Variants in PRKAR1B observed in about 807,000 individuals in gnomAD.
The protein encoded by PRKAR1B is protein kinase cAMP-dependent type I regulatory subunit beta, also known as cAMP-dependent protein kinase type I-beta regulatory subunit.
In PRKAR1B, 22 loss-of-function variants were observed where a neutral mutation model predicts 46.5. That is an observed-to-expected ratio of 0.47 (90% CI 0.34 to 0.68). PRKAR1B has a LOEUF of 0.68. Among genes scored for constraint, PRKAR1B ranks in the 30% least tolerant of loss-of-function variants. PRKAR1B has a pLI of 0.01. For missense variants in PRKAR1B, 445 were observed against 535.6 expected (o/e 0.83, Z 1.67); for synonymous variants, 259 against 217.7 (o/e 1.19, Z -1.67).
At chr7:631,105 C>T (rs1783711851) in intron 4 of PRKAR1B, among the ~76,000 whole-genome samples, 1 of 152,078 alleles carries the variant, frequency 6.6e-6, no homozygotes, top group Non-Finnish European at 1.5e-5. Flanking sequence ...GCACCCTCAC[C>T]AATCCCGGGT....
intron 1 of PRKAR1B, 96 bp from the exon 2 acceptor site, chr7:711,623 C>A: frequency 1.8e-6 from 2 of 1,133,840 alleles, no homozygotes; most frequent in Non-Finnish European, 1.2e-6. Flanking sequence ...CTCCCAGGAG[C>A]GTGGAAGAAA....
At chr7:573,782 G>A (rs1779665426) in intron 9 of PRKAR1B, among the ~76,000 whole-genome samples, 1 of 152,218 alleles carries the variant, frequency 6.6e-6, no homozygotes, top group Non-Finnish European at 1.5e-5. Flanking sequence ...GGATCGCGGA[G>A]TCGGGCACAC....
intron 2 of PRKAR1B, among the ~76,000 whole-genome samples, 194 bp downstream of exon 2, chr7:711,135 G>A (rs962068115): frequency 6.6e-6 from 1 of 152,138 alleles, no homozygotes; most frequent in Non-Finnish European, 1.5e-5. Context: ...ATGAATCTCG[G>A]GAGACCAAAC....
chr7:687,989 G>T (rs368736719), intron 2 of PRKAR1B, among the ~76,000 whole-genome samples: 1 of 151,306 alleles, frequency 6.6e-6, no homozygotes, highest in Non-Finnish European at 1.5e-5. Context: ...CCAGCTCCTC[G>T]GGAGGCTCAG....
At chr7:720,869 T>G (rs1432580962) in intron 1 of PRKAR1B, among the ~76,000 whole-genome samples, 2 of 152,242 alleles carry the variant, frequency 1.3e-5, no homozygotes, top group Non-Finnish European at 2.9e-5. Flanking sequence ...ATAGTAGACA[T>G]CATACAGTTG....
At chr7:615,685 G>A (rs989243868) in intron 4 of PRKAR1B, among the ~76,000 whole-genome samples, 28 of 150,552 alleles carry the variant, frequency 1.9e-4, no homozygotes, top group African/African-American at 4.1e-4. Context: ...AAAATTAGCC[G>A]GGCGTGGTGG....
intron 4 of PRKAR1B, among the ~76,000 whole-genome samples, chr7:674,709 C>CT (rs1379842744): frequency 6.6e-6 from 1 of 152,238 alleles, no homozygotes; most frequent in Non-Finnish European, 1.5e-5. Context: ...CTCTCCATGC[C>CT]TAGCTACTCT....
At chr7:567,578 C>T (rs1341938599) in intron 9 of PRKAR1B, among the ~76,000 whole-genome samples, 2 of 152,078 alleles carry the variant, frequency 1.3e-5, no homozygotes, top group African/African-American at 2.4e-5. Context: ...CCATCACCGC[C>T]ATCATCATCA....
intron 4 of PRKAR1B, among the ~76,000 whole-genome samples, chr7:625,457 A>T (rs917719723): frequency 3.3e-5 from 5 of 152,274 alleles, no homozygotes; most frequent in African/African-American, 1.2e-4. Flanking sequence ...AAGAAAATCG[A>T]TGCAGCCAAA....
chr7:629,287 G>A (rs1182026990), intron 4 of PRKAR1B, among the ~76,000 whole-genome samples: 5 of 152,036 alleles, frequency 3.3e-5, no homozygotes, highest in African/African-American at 7.2e-5. Flanking sequence ...GCCTCCCAGG[G>A]CGCCACCACC....
At chr7:723,179 T>A (rs1380361073) in intron 1 of PRKAR1B, among the ~76,000 whole-genome samples, 1 of 152,234 alleles carries the variant, frequency 6.6e-6, no homozygotes, top group African/African-American at 2.4e-5. Flanking sequence ...CAGTGCAGAC[T>A]GTCCACTCGA....
chr7:577,925 C>T (rs979920803), intron 9 of PRKAR1B, among the ~76,000 whole-genome samples: 1 of 152,202 alleles, frequency 6.6e-6, no homozygotes, highest in African/African-American at 2.4e-5. Context: ...TTTTGCAGTC[C>T]CATTTATACC....
intron 4 of PRKAR1B, among the ~76,000 whole-genome samples, chr7:646,302 C>T (rs1420795346): frequency 6.6e-6 from 1 of 152,234 alleles, no homozygotes; most frequent in Non-Finnish European, 1.5e-5. Context: ...CCTTGGTCTC[C>T]CAAAGTGCTG....
At chr7:571,383 C>T (rs1476916011) in intron 9 of PRKAR1B, among the ~76,000 whole-genome samples, 1 of 152,166 alleles carries the variant, frequency 6.6e-6, no homozygotes, top group Non-Finnish European at 1.5e-5. Context: ...AGCAGCGACC[C>T]GTGGATTTTG....
In PRKAR1B at chr7:593,610, C is replaced by G. The variant is rs1326044887; in HGVS notation, c.708+2536G>C. ...CAGGTGCGCCCAGAGGAGATGGGAA[C>G]CGCTGTGCCCTCTTCCTGCCCCAAA... is the stretch of plus-strand genomic sequence containing the variant. On this transcript the variant is annotated intron_variant, in intron 7 of 10. Coordinates refer to ENST00000537384, the MANE Select transcript of PRKAR1B (RefSeq NM_001164760.2). The surrounding 1 kb of genome is among the most constrained non-coding windows in gnomAD (Gnocchi z 6.1). 6.6e-6 allele frequency among the ~76,000 whole-genome samples: 1 copy of G among 152,176 alleles called. No individual in the cohort carries two copies. The highest frequency in any genetic ancestry group is 1.5e-5 in the Non-Finnish European group (1 of 68,034).
At chr7:690,704 C>T (rs1779364049) in intron 2 of PRKAR1B, among the ~76,000 whole-genome samples, 1 of 152,198 alleles carries the variant, frequency 6.6e-6, no homozygotes, top group Admixed American at 6.5e-5. Flanking sequence ...GGAATGCCCC[C>T]ACCAGCTGCA....
chr7:604,020 C>T (rs1462955441), intron 6 of PRKAR1B, among the ~76,000 whole-genome samples: 1 of 152,224 alleles, frequency 6.6e-6, no homozygotes, highest in Non-Finnish European at 1.5e-5. Context: ...GGTGGCTCTG[C>T]CTTCAGCACT....
rs1444719319 is a variant in PRKAR1B, at chr7:628,582, C to G, written c.441-21130G>C. The stretch of plus-strand genomic sequence containing the variant: ...CAGGGGCTCGATGGGACCAGTCGCT[C>G]GCTCAGGCCCAGGAAAACCACACAG... On this transcript the variant is annotated intron_variant, in intron 4 of 10. Transcript: ENST00000537384. Among the ~76,000 whole-genome samples the G allele has an allele frequency of 4.6e-5, 7 of 152,314 alleles. No homozygotes were observed. The East Asian group carries it at 1.2e-3, about 25-fold the overall frequency.
intron 4 of PRKAR1B, among the ~76,000 whole-genome samples, chr7:632,956 G>A (rs556992443): frequency 3.3e-5 from 5 of 152,346 alleles, no homozygotes; most frequent in South Asian, 4.1e-4. Context: ...GGCCGGCTCC[G>A]GCAAGCCTCC....
Sources: allele counts gnomAD v4.1 joint callset (sites outside exome capture counted in the v4.1 genomes callset), GRCh38; gene constraint gnomAD v4.1.1; non-coding constraint Gnocchi (gnomAD v3.1); transcripts MANE v1.5; gene names NCBI Gene and HGNC (gene_info 2026-07-23, HGNC 2026-07-21).